RANBP3L: variants seen among roughly 807,000 people sequenced by gnomAD.
RANBP3L encodes the protein RAN binding protein 3 like.
Under a neutral mutation model 67.2 loss-of-function variants are expected in RANBP3L, and 56 were observed. That is an observed-to-expected ratio of 0.83 (90% CI 0.67 to 1.04). The LOEUF (loss-of-function observed/expected upper bound fraction) is 1.04, where lower values mean the gene tolerates loss of function less well. Ranked by LOEUF, RANBP3L falls within the 50% of genes least tolerant of loss-of-function variation. The probability of loss-of-function intolerance (pLI) is 0.00; values close to 1 mark genes in which losing one functional copy is unlikely to be tolerated. For synonymous variants in RANBP3L, 164 were observed against 181.4 expected (o/e 0.90, Z 0.77); for missense variants, 496 against 535.5 (o/e 0.93, Z 0.73).
At chr5:36,266,901 C>T (rs1189226177) in intron 4 of RANBP3L, among the ~76,000 whole-genome samples, 9 of 152,132 alleles carry the variant, frequency 5.9e-5, no homozygotes, top group East Asian at 3.9e-4. Context: ...GAACTACAGG[C>T]GTGCAACACC....
intron 4 of RANBP3L, chr5:36,268,307 G>T (rs1051741687): frequency 3.2e-5 from 45 of 1,399,390 alleles, no homozygotes; most frequent in Non-Finnish European, 4.2e-5. Context: ...AAGAAAGTGG[G>T]TTTTTTGTTT....
At chr5:36,283,128 G>C (rs1751083648) in intron 1 of RANBP3L, among the ~76,000 whole-genome samples, 1 of 152,070 alleles carries the variant, frequency 6.6e-6, no homozygotes, top group Admixed American at 6.6e-5. Context: ...AGCTCAGTTG[G>C]CTCACTACAA....
intron 1 of RANBP3L, among the ~76,000 whole-genome samples, chr5:36,282,447 T>G (rs980986181): frequency 1.3e-5 from 2 of 152,166 alleles, no homozygotes; most frequent in African/African-American, 4.8e-5. Context: ...AAATATAGCT[T>G]CATATATTGA....
rs1748993903 is a variant in RANBP3L, at chr5:36,256,619, A to G, written c.903+322T>C. Among the ~76,000 whole-genome samples the G allele has an allele frequency of 3.3e-5, 5 of 152,120 alleles. No individual in the cohort carries two copies. The South Asian group carries it at 1.0e-3, about 31-fold the overall frequency. ...AAGTTATCAACATTGTTAAACGTGT[A>G]AGTAGAATTATTTAATCACAATAAT... is the stretch of plus-strand genomic sequence containing the variant. On this transcript the variant is annotated intron_variant, in intron 10 of 13. Transcript: ENST00000296604.
chr5:36,259,707 TG>T (rs1430416741), intron 8 of RANBP3L, among the ~76,000 whole-genome samples: 1 of 152,204 alleles, frequency 6.6e-6, no homozygotes, highest in Non-Finnish European at 1.5e-5. Context: ...CTGGTATCCC[TG>T]AGACAAGCTA....
intron 1 of RANBP3L, among the ~76,000 whole-genome samples, chr5:36,287,926 A>C (rs923655625): frequency 7.2e-5 from 11 of 152,190 alleles, no homozygotes; most frequent in African/African-American, 2.7e-4. Flanking sequence ...AGTTATTCTA[A>C]TTCATTGAGA....
intron 1 of RANBP3L, among the ~76,000 whole-genome samples, chr5:36,273,806 A>G (rs1361875549): frequency 6.6e-6 from 1 of 152,226 alleles, no homozygotes; most frequent in Non-Finnish European, 1.5e-5. Context: ...AGAAATGACA[A>G]TGTACAAGAC....
chr5:36,296,749 T>C (rs1445071073), intron 1 of RANBP3L, among the ~76,000 whole-genome samples: 2 of 152,128 alleles, frequency 1.3e-5, no homozygotes, highest in East Asian at 3.8e-4. Context: ...GTGAGGATGT[T>C]TTTGAATGAG....
In RANBP3L at chr5:36,248,973, T is replaced by C. The variant is rs186668517; in HGVS notation, c.*681A>G. ...AAGTAGAACAGTTAACATATTTGGC[T>C]TTCTTACACATGCTTTTTGATACAT... On this transcript the variant is annotated 3_prime_UTR_variant, in exon 14 of 14. Coordinates refer to ENST00000296604, the MANE Select transcript of RANBP3L (RefSeq NM_145000.5). The C allele has an allele frequency of 6.6e-6, 1 of 152,144 alleles. No individual in the cohort carries two copies. The highest frequency in any genetic ancestry group is 2.1e-4 in the South Asian group (1 of 4,836). 9.4% of individuals were successfully genotyped at this position (152,144 alleles called of 1,614,324 possible).
Position 36,301,338 on chromosome 5 carries a change from G to A in RANBP3L, c.79C>T (p.Arg27Trp), listed in dbSNP as rs199744327. The A allele has an allele frequency of 2.5e-4, 411 of 1,613,016 alleles. 1 individual carries two copies. In the Middle Eastern group the frequency reaches 3.5e-3, roughly 14 times the overall value. Residue 27 changes from arginine (R) to tryptophan (W), a missense_variant, in exon 1 of 14, where the codon CGG (arginine) becomes TGG (tryptophan). Physicochemically the swap from Arg to Trp is moderately radical, Grantham distance 101. Coordinates refer to ENST00000296604, the MANE Select transcript of RANBP3L (RefSeq NM_145000.5). Reference sequence around the variant, plus strand: ...TGGACGGACTCACCTTGCTGTCGCCGGTCCTCCTGCAGCTTCAGTTTACAG... The same window carrying A: ...TGGACGGACTCACCTTGCTGTCGCCAGTCCTCCTGCAGCTTCAGTTTACAG... ...HTCKLKLQED[R>W]RQQEKSVIAQ...
chr5:36,260,819 G>A lies in RANBP3L; in HGVS notation c.630C>T (p.Ser210=). The A allele has an allele frequency of 6.4e-7, 1 of 1,563,472 alleles. No individual in the cohort carries two copies. Among genetic ancestry groups the A allele is most frequent in the Non-Finnish European group, 8.8e-7 (1 of 1,139,792 alleles). Residue 210 remains serine, a synonymous_variant, in exon 8 of 14, where the codon TCC becomes TCT. Transcript: ENST00000296604. ...CCATGTTTTCTCCAAAAACAAAATT[G>A]GAACTGCAGCTTTTAAAAGAACATT... ...EDKCSFKSCS[S]NFVFGENMVE... is the part of the protein sequence containing the mutation.
At chr5:36,290,235 T>C (rs1352080421) in intron 1 of RANBP3L, among the ~76,000 whole-genome samples, 1 of 151,584 alleles carries the variant, frequency 6.6e-6, no homozygotes, top group African/African-American at 2.4e-5. Context: ...TTTTTTTTTT[T>C]TTCTTAGAGC....
chr5:36,296,529 T>G (rs768778257), intron 1 of RANBP3L, among the ~76,000 whole-genome samples: 1 of 152,188 alleles, frequency 6.6e-6, no homozygotes, highest in Non-Finnish European at 1.5e-5. Context: ...ATCATAGATT[T>G]TACGAGACAG....
chr5:36,253,632 A>G lies in RANBP3L; in HGVS notation c.1167+15T>C. 6.3e-7 allele frequency: 1 copy of G among 1,576,702 alleles called. No individual in the cohort carries two copies. On this transcript the variant is annotated intron_variant, in intron 12 of 13. Transcript: ENST00000296604. ...TTAGTAGGATAATCTTCTATCACTG[A>G]AATTTCTCCCTTACCTGAATTAAAA...
At chr5:36,255,755 T>C (rs1748929322) in intron 10 of RANBP3L, among the ~76,000 whole-genome samples, 165 bp from the exon 11 acceptor site, 2 of 152,144 alleles carry the variant, frequency 1.3e-5, no homozygotes, top group African/African-American at 4.8e-5. Context: ...TAGAAACATA[T>C]AACTTTCGGA....
At chr5:36,290,921 T>G (rs1430628482) in intron 1 of RANBP3L, among the ~76,000 whole-genome samples, 1 of 146,544 alleles carries the variant, frequency 6.8e-6, no homozygotes, top group African/African-American at 2.6e-5. Context: ...TTTTTTTGTA[T>G]TTTTAGTAGA....
intron 1 of RANBP3L, among the ~76,000 whole-genome samples, chr5:36,300,355 T>C (rs954857092): frequency 2.0e-5 from 3 of 152,206 alleles, no homozygotes; most frequent in African/African-American, 4.8e-5. Flanking sequence ...AGTCATGTTA[T>C]ACAGCTCCAG....
Position 36,253,736 on chromosome 5 carries a change from G to T in RANBP3L, c.1078C>A (p.Gln360Lys). ...TGGTTTGCTCTTTGAATCTTCATTT[G>T]GGCCCAGAGTTTGCTGTTGAGGATC... ...RLILNSKLWA[Q>K]MKIQRANHKN... The change falls in exon 12 of 14, where the codon CAA (glutamine) becomes AAA (lysine). Residue 360 changes from glutamine (Q) to lysine (K), a missense_variant. Transcript: ENST00000296604. 1 of 1,612,764 alleles carries T rather than the reference G, an allele frequency of 6.2e-7. No homozygotes were observed. The highest frequency in any genetic ancestry group is 8.5e-7 in the Non-Finnish European group (1 of 1,179,068).
chr5:36,269,074 C>G (rs1750021252), intron 4 of RANBP3L, among the ~76,000 whole-genome samples: 1 of 152,128 alleles, frequency 6.6e-6, no homozygotes, highest in Admixed American at 6.5e-5. Context: ...AATGCAGAAA[C>G]TTTGGAAACA....
Sources: gnomAD v4.1 joint callset for allele counts (sites outside exome capture counted in the v4.1 genomes callset) on GRCh38, gnomAD v4.1.1 for gene constraint, MANE v1.5 for transcripts, NCBI Gene and HGNC (gene_info 2026-07-23, HGNC 2026-07-21) for gene names.